MRPS18C: variants seen among roughly 807,000 people sequenced by gnomAD.
MRPS18C encodes small ribosomal subunit protein bS18m.
A neutral mutation model predicts 21.0 loss-of-function variants in MRPS18C; 21 were observed. That is an observed-to-expected ratio of 1.00 (90% CI 0.71 to 1.44). The LOEUF is 1.44. Among genes scored for constraint, MRPS18C ranks in the 40% most tolerant of loss-of-function variants. MRPS18C has a pLI of 0.00. For missense variants in MRPS18C, 152 were observed against 171.5 expected, an observed-to-expected ratio of 0.89 and a Z score of 0.64; for synonymous variants, 65 against 54.3, an observed-to-expected ratio of 1.20 and a Z score of -0.87.
chr4:83,459,433 A>G (rs779604779), intron 3 of MRPS18C: 2 of 245,782 alleles, frequency 8.1e-6, no homozygotes, highest in Non-Finnish European at 1.6e-5. Context: ...AGGATAGATG[A>G]AATTTTTTAG....
Position 83,462,172 on chromosome 4 carries a change from TGTGAGCCACTGTGC to T in MRPS18C, c.*976_*989del, listed in dbSNP as rs1722142261. 1.8e-5 allele frequency: 6 copies of T among 342,066 alleles called. No homozygotes were observed. In the East Asian group the frequency reaches 3.0e-4, roughly 17 times the overall value. 21.2% of individuals were successfully genotyped at this position (342,066 alleles called of 1,614,324 possible). ...CTTCCCTAAGTGCTGGGATTACAGG[TGTGAGCCACTGTGC>T]CTGGTCTCACTTTTCCAATTCTAAA... On this transcript the variant is annotated 3_prime_UTR_variant, in exon 6 of 6. Transcript: ENST00000295491.
rs6825184 is a variant in MRPS18C, at chr4:83,462,122, A to G, written c.*925A>G. 252,304 of 253,606 alleles carry G rather than the reference A, an allele frequency of 0.99. 125,507 individuals are homozygous for G. The highest frequency in any genetic ancestry group is 1 in the East Asian group (17,008 of 17,008). 15.7% of individuals were successfully genotyped at this position (253,606 alleles called of 1,614,324 possible). On this transcript the variant is annotated 3_prime_UTR_variant, in exon 6 of 6. Coordinates refer to ENST00000295491, the MANE Select transcript of MRPS18C (RefSeq NM_016067.4). ...TGCCCAGGCTGGTCTCTAACTCCTAACTTCAATCAATCCTCCTGACTTGTC... is the reference window on the plus strand; with the variant it reads ...TGCCCAGGCTGGTCTCTAACTCCTAGCTTCAATCAATCCTCCTGACTTGTC...
At chr4:83,459,366 C>A (rs1307866340) in intron 3 of MRPS18C, among the ~76,000 whole-genome samples, 1 of 152,072 alleles carries the variant, frequency 6.6e-6, no homozygotes, top group Non-Finnish European at 1.5e-5. Context: ...TTGAAAATCT[C>A]ATTACCCCCT....
chr4:83,458,619 T>C, intron 3 of MRPS18C, 190 bp downstream of exon 3: 1 of 450,100 alleles, frequency 2.2e-6, no homozygotes, highest in Non-Finnish European at 3.9e-6. Flanking sequence ...ACCTTGGCTT[T>C]CCCCCACTTA....
chr4:83,456,190 T>C lies in MRPS18C; in HGVS notation c.100+13T>C, dbSNP rs1486566710. On this transcript the variant is annotated intron_variant, in intron 1 of 5. Transcript: ENST00000295491. ...GGGACTCACACGGGTAAAGTCTCCA[T>C]ATCCTATGCTCCATTGTAGCGCTGC... 5 of 1,608,190 alleles carry C rather than the reference T, an allele frequency of 3.1e-6. No individual in the cohort carries two copies. The highest frequency in any genetic ancestry group is 4.3e-6 in the Non-Finnish European group (5 of 1,174,784).
At chr4:83,459,673 A>C in intron 3 of MRPS18C, 67 bp from the exon 4 acceptor site, 1 of 1,440,254 alleles carries the variant, frequency 6.9e-7, no homozygotes, top group Non-Finnish European at 9.6e-7. Context: ...TTGTTTTTTG[A>C]AATTTACACA....
chr4:83,458,639 C>G, intron 3 of MRPS18C: 1 of 417,340 alleles, frequency 2.4e-6, no homozygotes, highest in Non-Finnish European at 4.1e-6. Context: ...ACTGTTATTT[C>G]CACTCTGTTT....
At chr4:83,457,759 A>AT (rs1721914976) in intron 2 of MRPS18C, 1 of 152,592 alleles carries the variant, frequency 6.6e-6, no homozygotes, top group Non-Finnish European at 1.5e-5. Flanking sequence ...CCATTTCTAG[A>AT]TTAAGAACCT....
chr4:83,460,071 A>G (rs569983267), intron 4 of MRPS18C: 1 of 243,658 alleles, frequency 4.1e-6, no homozygotes, highest in East Asian at 8.4e-5. Context: ...CTAGATTGAT[A>G]CTTAAACTTG....
At chr4:83,457,599 TAAGA>T (rs1490440991) in intron 2 of MRPS18C, 2 of 152,298 alleles carry the variant, frequency 1.3e-5, no homozygotes, top group Admixed American at 6.5e-5. Flanking sequence ...CACCATACTT[TAAGA>T]AAGTAAAGGG....
chr4:83,458,388 T>C lies in MRPS18C; in HGVS notation c.193T>C (p.Cys65Arg), dbSNP rs773020951. ...ENPYKEPLKK[C>R]ILCGKHVDYK... ...TCCTTATAAAGAACCTCTTAAGAAA[T>C]GTATCTTGTGTGGAAAGCATGTAGA... Residue 65 changes from cysteine (C) to arginine (R), a missense_variant, in exon 3 of 6, where the codon TGT (cysteine) becomes CGT (arginine). Cys to Arg is a radical substitution (Grantham distance 180). Transcript: ENST00000295491. 8.1e-6 allele frequency: 13 copies of C among 1,605,908 alleles called. No individual in the cohort carries two copies. In the Admixed American group the frequency reaches 2.0e-4, roughly 25 times the overall value.
In MRPS18C at chr4:83,462,104, G is replaced by C. The variant is rs763885962; in HGVS notation, c.*907G>C. ...GACATGGTCTCAATACGTTGCCCAG[G>C]CTGGTCTCTAACTCCTAACTTCAAT... is the stretch of plus-strand genomic sequence containing the variant. On this transcript the variant is annotated 3_prime_UTR_variant, in exon 6 of 6. Transcript: ENST00000295491. 8.2e-6 allele frequency: 2 copies of C among 243,614 alleles called. No individual in the cohort carries two copies. The highest frequency in any genetic ancestry group is 1.6e-5 in the Non-Finnish European group (2 of 125,970). The allele number at this position is 243,614 out of a possible 1,614,324, so 15.1% of individuals were successfully genotyped here.
intron 4 of MRPS18C, 106 bp from the exon 5 acceptor site, chr4:83,460,867 C>A: frequency 1.1e-6 from 1 of 925,596 alleles, no homozygotes; most frequent in Non-Finnish European, 1.7e-6. Flanking sequence ...GAGAGCACCA[C>A]TGTACTCCAG....
Position 83,460,983 on chromosome 4 carries a change from GAAGA to G in MRPS18C, c.306_309del (p.Lys102AsnfsTer14). On this transcript the variant is annotated frameshift_variant, in exon 5 of 6. Coordinates refer to ENST00000295491, the MANE Select transcript of MRPS18C (RefSeq NM_016067.4). LOFTEE classifies it high-confidence loss of function. ...CTTTTTATTTTACAGGTCTTTGTGG[GAAGA>G]AACAGAAAGAAATCACAAAAGCAAT... 1 of 1,606,750 alleles carries G rather than the reference GAAGA, an allele frequency of 6.2e-7. No individual in the cohort carries two copies. Among genetic ancestry groups the G allele is most frequent in the Non-Finnish European group, 8.5e-7 (1 of 1,177,958 alleles).
intron 1 of MRPS18C, 88 bp downstream of exon 1, chr4:83,456,265 G>C (rs573795433): frequency 1.8e-6 from 2 of 1,136,494 alleles, no homozygotes; most frequent in African/African-American, 3.1e-5. Flanking sequence ...TTAGCAAAAC[G>C]ACTCTGGTTT....
chr4:83,459,697 A>G, intron 3 of MRPS18C, 43 bp from the exon 4 acceptor site: 1 of 1,546,660 alleles, frequency 6.5e-7, no homozygotes, highest in Non-Finnish European at 8.9e-7. Flanking sequence ...AGAAATAAAT[A>G]ACAGATACTT....
chr4:83,458,300 C>A, intron 2 of MRPS18C, 46 bp from the exon 3 acceptor site: 1 of 1,310,392 alleles, frequency 7.6e-7, no homozygotes, highest in Non-Finnish European at 1.1e-6. Context: ...TTTTAAAATT[C>A]AGAATTAACA....
In MRPS18C at chr4:83,460,540, CTG is replaced by C. The variant is rs1165048462; in HGVS notation, c.293-431_293-430del. The C allele has an allele frequency of 3.6e-5, 7 of 195,918 alleles. No individual in the cohort carries two copies. In the East Asian group the frequency reaches 9.5e-4, roughly 27 times the overall value. The allele number at this position is 195,918 out of a possible 1,614,324, so 12.1% of individuals were successfully genotyped here. ...CAGAGTTGAGTGGCAGTGATGGAGA[CTG>C]TATGGCCCACAAAACCTAGATTATT... On this transcript the variant is annotated intron_variant, in intron 4 of 5. Coordinates refer to ENST00000295491, the MANE Select transcript of MRPS18C (RefSeq NM_016067.4).
Position 83,461,137 on chromosome 4 carries a change from A to C in MRPS18C, c.369A>C (p.Thr123=). Residue 123 remains threonine, a synonymous_variant, in exon 6 of 6, where the codon ACA becomes ACC. Coordinates refer to ENST00000295491, the MANE Select transcript of MRPS18C (RefSeq NM_016067.4). ...TCTTTACAGGGTTTATGCCAGTTAC[A>C]TACAAGGATCCTGCATATCTCAAGG... ...RAQIMGFMPV[T]YKDPAYLKDP... is the part of the protein sequence containing the mutation. The C allele has an allele frequency of 6.2e-7, 1 of 1,613,662 alleles. No homozygotes were observed. Among genetic ancestry groups the C allele is most frequent in the Non-Finnish European group, 8.5e-7 (1 of 1,179,844 alleles).
Sources: gnomAD v4.1 joint callset for allele counts (sites outside exome capture counted in the v4.1 genomes callset) on GRCh38, gnomAD v4.1.1 for gene constraint, MANE v1.5 for transcripts, NCBI Gene and HGNC (gene_info 2026-07-23, HGNC 2026-07-21) for gene names.